The following ARID1B variants were observed in gnomAD, a reference collection of about 807,000 sequenced individuals.
The protein encoded by ARID1B is AT-rich interaction domain 1B, also known as AT-rich interactive domain-containing protein 1B.
In ARID1B, 30 loss-of-function variants were observed where a neutral mutation model predicts 212.3. The ratio of observed to expected loss-of-function variants is 0.14; its 90% confidence interval spans 0.11 to 0.19. The LOEUF (loss-of-function observed/expected upper bound fraction) is 0.19. Among genes scored for constraint, ARID1B ranks in the 10% least tolerant of loss-of-function variants. ARID1B has a pLI of 1.00. For synonymous variants in ARID1B, 1,402 were observed against 1,301.7 expected, an observed-to-expected ratio of 1.08 and a Z score of -1.66; for missense variants, 2,891 against 3,204.0, an observed-to-expected ratio of 0.90 and a Z score of 2.36.
intron 1 of ARID1B, among the ~76,000 whole-genome samples, chr6:156,814,942 T>C (rs1488045370): frequency 6.6e-6 from 1 of 152,136 alleles, no homozygotes; most frequent in Non-Finnish European, 1.5e-5. Context: ...TGAAGACCCA[T>C]CAATTATCAA....
At chr6:156,909,187 G>A (rs1044540163) in intron 3 of ARID1B, among the ~76,000 whole-genome samples, 1 of 139,098 alleles carries the variant, frequency 7.2e-6, no homozygotes. Context: ...GTGCAGTGGT[G>A]CAATCTTGGC....
chr6:157,052,307 A>G (rs1782661842), intron 4 of ARID1B, among the ~76,000 whole-genome samples: 1 of 152,254 alleles, frequency 6.6e-6, no homozygotes, highest in African/African-American at 2.4e-5. Context: ...ATCAGGGAAT[A>G]GCTTTCAACT....
intron 2 of ARID1B, among the ~76,000 whole-genome samples, chr6:156,834,807 TCAG>T (rs1463233815): frequency 6.6e-6 from 1 of 152,222 alleles, no homozygotes; most frequent in Non-Finnish European, 1.5e-5. Flanking sequence ...CAGTTGTTCT[TCAG>T]CAGTGAACAT....
At chr6:157,180,390 A>AT (rs1792424402) in intron 11 of ARID1B, among the ~76,000 whole-genome samples, 1 of 151,738 alleles carries the variant, frequency 6.6e-6, no homozygotes, top group Non-Finnish European at 1.5e-5. Flanking sequence ...ACAAAAAAAA[A>AT]CAAAAAACAC....
At chr6:156,934,218 A>G (rs770363500) in intron 3 of ARID1B, among the ~76,000 whole-genome samples, 15 of 152,140 alleles carry the variant, frequency 9.9e-5, no homozygotes, top group Non-Finnish European at 1.6e-4. Flanking sequence ...TTCAGTGCCA[A>G]TTGAGACATG....
chr6:157,026,618 C>G (rs149722024), intron 4 of ARID1B, among the ~76,000 whole-genome samples: 1 of 152,224 alleles, frequency 6.6e-6, no homozygotes, highest in East Asian at 1.9e-4. Context: ...CCTCAGAGAC[C>G]TATTTCTTAG....
intron 1 of ARID1B, among the ~76,000 whole-genome samples, chr6:156,793,004 AT>A (rs1466018189): frequency 1.3e-5 from 2 of 152,152 alleles, no homozygotes; most frequent in African/African-American, 4.8e-5. Context: ...GTCTTGTAGA[AT>A]GTGGGGGCTT....
intron 15 of ARID1B, among the ~76,000 whole-genome samples, chr6:157,191,774 A>G (rs1050756462): frequency 2.0e-5 from 3 of 152,254 alleles, no homozygotes; most frequent in East Asian, 1.9e-4. Flanking sequence ...AAAAACATAT[A>G]GAATAAATAG....
At chr6:156,899,209 G>A (rs1293378924) in intron 2 of ARID1B, among the ~76,000 whole-genome samples, 3 of 149,360 alleles carry the variant, frequency 2.0e-5, no homozygotes, top group Non-Finnish European at 4.5e-5. Flanking sequence ...GCAGAGTCAT[G>A]TGACTGACCG....
chr6:156,801,196 CTTTTTTTTTT>C (rs397887993), intron 1 of ARID1B, among the ~76,000 whole-genome samples: 1 of 105,938 alleles, frequency 9.4e-6, no homozygotes, highest in Non-Finnish European at 1.9e-5. Flanking sequence ...CTTGAATAAT[CTTTTTTTTTT>C]TTTTTTTTTT....
chr6:156,987,194 A>C (rs1414514273), intron 4 of ARID1B, among the ~76,000 whole-genome samples: 1 of 136,790 alleles, frequency 7.3e-6, no homozygotes, highest in Non-Finnish European at 1.6e-5. Flanking sequence ...AGAGAGAGAG[A>C]GAGACCCTGT....
rs1792048556 is a variant in ARID1B at position 157,175,617 on chromosome 6, T to C, written c.3504+612T>C. The C allele has an allele frequency of 2.6e-5, 4 of 152,364 alleles. No individual in the cohort carries two copies. In the South Asian group the frequency reaches 8.3e-4, roughly 32 times the overall value. The allele number at this position is 152,364 out of a possible 1,614,324, so 9.4% of individuals were successfully genotyped here. A position where few individuals can be genotyped will look rare whatever the true frequency, so the allele number is the denominator to read the frequency against. ...GTACCTATGTTAGAATCAGTTGAGA[T>C]AGAACAATTGTATTCTGCACAAGAC... On this transcript the variant is annotated intron_variant, in intron 11 of 19. Coordinates refer to ENST00000636930, the MANE Select transcript of ARID1B (RefSeq NM_001374828.1).
At chr6:157,034,635 A>T (rs1781211276) in intron 4 of ARID1B, among the ~76,000 whole-genome samples, 1 of 152,226 alleles carries the variant, frequency 6.6e-6, no homozygotes, top group African/African-American at 2.4e-5. Context: ...GAAAGTTGAA[A>T]TACTCCTTTG....
rs925440606 is a variant in ARID1B at position 156,779,204 on chromosome 6, G to T, written c.1524G>T (p.Ser508=). The change falls in exon 1 of 20, where the codon TCG becomes TCT. Residue 508 remains serine, a synonymous_variant. Transcript: ENST00000636930. ...ATPTLNQLLT[S]PSPMMRSYGG... is the part of the protein sequence containing the mutation. ...CGACCCTCAATCAGCTGCTCACCTC[G>T]CCCAGCCCCATGATGCGGAGCTACG... 3 of 1,306,570 alleles carry T rather than the reference G, an allele frequency of 2.3e-6. No homozygotes were observed. Among genetic ancestry groups the T allele is most frequent in the African/African-American group, 3.1e-5 (2 of 64,052 alleles). The allele number at this position is 1,306,570 out of a possible 1,614,324, so 80.9% of individuals were successfully genotyped here. A position where few individuals can be genotyped will look rare whatever the true frequency, so the allele number is the denominator to read the frequency against.
intron 4 of ARID1B, among the ~76,000 whole-genome samples, chr6:157,061,195 A>G (rs1783320586): frequency 6.6e-6 from 1 of 152,300 alleles, no homozygotes; most frequent in African/African-American, 2.4e-5. Flanking sequence ...ATTTTATCAT[A>G]TATTTATTTT....
intron 19 of ARID1B, 55 bp downstream of exon 19, chr6:157,204,051 A>T: frequency 6.2e-7 from 1 of 1,606,482 alleles, no homozygotes; most frequent in Non-Finnish European, 8.5e-7. Flanking sequence ...GCATCAGGCC[A>T]TGCACATTTG....
At position 156,897,620 on chromosome 6, in the gene ARID1B, AT is replaced by A. The variant is rs201579910; in HGVS notation, c.1987-3747del. 2.1e-3 allele frequency among the ~76,000 whole-genome samples: 321 copies of A among 150,102 alleles called. 2 individuals are homozygous for A. Among genetic ancestry groups the A allele is most frequent in the African/African-American group, 7.5e-3 (306 of 40,982 alleles). The stretch of plus-strand genomic sequence containing the variant: ...AAATGGAAATGTTCTGATCTGAGGC[AT>A]TTTTTTTTGAGATCTCCATTTAGTT... On this transcript the variant is annotated intron_variant, in intron 2 of 19. Coordinates refer to ENST00000636930, the MANE Select transcript of ARID1B (RefSeq NM_001374828.1).
intron 9 of ARID1B, 81 bp from the exon 10 acceptor site, chr6:157,173,927 A>C: frequency 8.2e-7 from 1 of 1,214,108 alleles, no homozygotes; most frequent in Non-Finnish European, 1.2e-6. Flanking sequence ...CTCCTGCTTC[A>C]CTCTGTAACT....
chr6:157,104,502 C>T (rs578017809), intron 5 of ARID1B, among the ~76,000 whole-genome samples: 48 of 152,150 alleles, frequency 3.2e-4, no homozygotes, highest in Non-Finnish European at 6.2e-4. Context: ...TGGAAAACCC[C>T]GGAGAATCAA....
Sources: gnomAD v4.1 joint callset for allele counts (sites outside exome capture counted in the v4.1 genomes callset) on GRCh38, gnomAD v4.1.1 for gene constraint, MANE v1.5 for transcripts, NCBI Gene and HGNC (gene_info 2026-07-23, HGNC 2026-07-21) for gene names.